Variants in KCTD8 observed in about 807,000 individuals in gnomAD.
KCTD8 encodes the protein BTB/POZ domain-containing protein KCTD8.
Under a neutral mutation model 31.5 loss-of-function variants are expected in KCTD8, and 27 were observed. The ratio of observed to expected loss-of-function variants is 0.86; its 90% CI spans 0.63 to 1.18. The LOEUF is 1.18. KCTD8 is among the 50% of genes most tolerant of loss of function. The pLI, the probability that KCTD8 is intolerant of heterozygous loss-of-function variation, is 0.00. For synonymous variants in KCTD8, 290 were observed against 280.0 expected (o/e 1.04, Z -0.36); for missense variants, 658 against 647.7 (o/e 1.02, Z -0.17).
intron 1 of KCTD8, among the ~76,000 whole-genome samples, chr4:44,338,576 G>A (rs1245225311): frequency 6.6e-6 from 1 of 152,138 alleles, no homozygotes; most frequent in African/African-American, 2.4e-5. Flanking sequence ...ATGCTCTCAG[G>A]ATATTAAAAC....
chr4:44,353,081 T>C (rs1719255123), intron 1 of KCTD8, among the ~76,000 whole-genome samples: 1 of 152,086 alleles, frequency 6.6e-6, no homozygotes, highest in South Asian at 2.1e-4. Context: ...ATACAGAATG[T>C]TTCCAAAATT....
chr4:44,342,100 G>T (rs566075930), intron 1 of KCTD8, among the ~76,000 whole-genome samples: 1 of 152,260 alleles, frequency 6.6e-6, no homozygotes, highest in East Asian at 1.9e-4. Context: ...GGCTGGGCGT[G>T]TTGGCTCATG....
chr4:44,335,335 T>C (rs899659302), intron 1 of KCTD8, among the ~76,000 whole-genome samples: 17 of 152,118 alleles, frequency 1.1e-4, no homozygotes, highest in Non-Finnish European at 1.9e-4. Context: ...ATTTATTTCA[T>C]CTACCAATTT....
intron 1 of KCTD8, among the ~76,000 whole-genome samples, chr4:44,267,294 A>G (rs1716409939): frequency 6.6e-6 from 1 of 152,210 alleles, no homozygotes; most frequent in South Asian, 2.1e-4. Flanking sequence ...CTGAATGACT[A>G]CTGGGTACAT....
In KCTD8 at chr4:44,322,576, G is replaced by C. The variant is rs563712563; in HGVS notation, c.961+124987C>G. ...CTTCATTTTATGTTTTTCCTTTGCT[G>C]TGCATTTTAGCTTGATATAATACCA... On this transcript the variant is annotated intron_variant, in intron 1 of 1. Coordinates refer to ENST00000360029, the MANE Select transcript of KCTD8 (RefSeq NM_198353.3). Among the ~76,000 whole-genome samples the C allele has an allele frequency of 8.6e-5, 13 of 151,954 alleles. 1 individual carries two copies. Among genetic ancestry groups the C allele is most frequent in the African/African-American group, 2.4e-4 (10 of 41,366 alleles).
At chr4:44,356,891 A>G (rs1719356798) in intron 1 of KCTD8, among the ~76,000 whole-genome samples, 1 of 152,190 alleles carries the variant, frequency 6.6e-6, no homozygotes, top group Non-Finnish European at 1.5e-5. Flanking sequence ...GAGGATATTG[A>G]TGACCATCAT....
Position 44,448,646 on chromosome 4 carries a change from C to T in KCTD8, c.-123G>A. The T allele has an allele frequency of 3.7e-6, 4 of 1,083,686 alleles. No individual in the cohort carries two copies. The highest frequency in any genetic ancestry group is 4.7e-6 in the Non-Finnish European group (4 of 846,070). The allele number at this position is 1,083,686 out of a possible 1,614,324, so 67.1% of individuals were successfully genotyped here. ...CCTCGGACTGGGCGGCGCGTTCCTC[C>T]GACCGGGGCGGCCCCGCTCAGGGTT... On this transcript the variant is annotated 5_prime_UTR_variant, in exon 1 of 2. Coordinates refer to ENST00000360029, the MANE Select transcript of KCTD8 (RefSeq NM_198353.3). The surrounding 1 kb of genome is among the most constrained non-coding windows in gnomAD (Gnocchi z 4.1).
At chr4:44,385,370 T>C (rs1051055766) in intron 1 of KCTD8, among the ~76,000 whole-genome samples, 3 of 151,528 alleles carry the variant, frequency 2.0e-5, no homozygotes, top group Non-Finnish European at 4.4e-5. Context: ...ACGAAGGAAA[T>C]AGAATAGAAA....
chr4:44,423,715 C>T (rs1256902086), intron 1 of KCTD8, among the ~76,000 whole-genome samples: 5 of 151,954 alleles, frequency 3.3e-5, no homozygotes, highest in African/African-American at 1.2e-4. Flanking sequence ...AGGAAAAAAA[C>T]GAAAGCTTTT....
chr4:44,335,527 C>T (rs981931598), intron 1 of KCTD8, among the ~76,000 whole-genome samples: 1 of 151,970 alleles, frequency 6.6e-6, no homozygotes, highest in Non-Finnish European at 1.5e-5. Context: ...GAGCCCAGAA[C>T]AATTTTCACT....
intron 1 of KCTD8, among the ~76,000 whole-genome samples, chr4:44,309,866 G>T (rs549014890): frequency 6.6e-6 from 1 of 151,812 alleles, no homozygotes; most frequent in Admixed American, 6.6e-5. Context: ...TAGTATTTTC[G>T]AACTAAAATA....
intron 1 of KCTD8, among the ~76,000 whole-genome samples, chr4:44,292,851 T>C (rs73812001): frequency 0.029 from 4,482 of 152,202 alleles, 240 homozygotes; most frequent in African/African-American, 0.1. Flanking sequence ...CCAGTAATTA[T>C]GCCTAAAACT....
rs1001848808 is a variant in KCTD8 at position 44,448,779 on chromosome 4, C to T, written c.-256G>A. 3.9e-5 allele frequency: 14 copies of T among 357,260 alleles called. No homozygotes were observed. Among genetic ancestry groups the T allele is most frequent in the Non-Finnish European group, 7.0e-5 (14 of 200,878 alleles). The allele number at this position is 357,260 out of a possible 1,614,324, so 22.1% of individuals were successfully genotyped here. ...GCAATGGAGAGGCAAGAAGGAGCTG[C>T]TGCTCCTTTGGGGCGAGGGCGGGGA... On this transcript the variant is annotated 5_prime_UTR_variant, in exon 1 of 2. Coordinates refer to ENST00000360029, the MANE Select transcript of KCTD8 (RefSeq NM_198353.3). The surrounding 1 kb of genome is among the most constrained non-coding windows in gnomAD (Gnocchi z 4.1).
intron 1 of KCTD8, among the ~76,000 whole-genome samples, chr4:44,324,697 A>G (rs1718397148): frequency 6.6e-6 from 1 of 152,058 alleles, no homozygotes; most frequent in Admixed American, 6.6e-5. Flanking sequence ...TTAGGAATAA[A>G]GATTCTTCTG....
intron 1 of KCTD8, among the ~76,000 whole-genome samples, chr4:44,353,539 G>A (rs1026446783): frequency 6.6e-6 from 1 of 151,480 alleles, no homozygotes; most frequent in South Asian, 2.1e-4. Flanking sequence ...TTTCCCTATC[G>A]TGCTTCCAAA....
At position 44,447,573 on chromosome 4, in the gene KCTD8, G is replaced by A. The variant is rs1339225397; in HGVS notation, c.951C>T (p.Tyr317=). ...DDKIWSSYTE[Y]IFFRPPQKIV... ...GGGCTGCGAACTTACGGAAGAAAAT[G>A]TACTCGGTGTAGCTGCTCCAGATCT... Residue 317 remains tyrosine, a synonymous_variant, in exon 1 of 2, where the codon TAC becomes TAT. Coordinates refer to ENST00000360029, the MANE Select transcript of KCTD8 (RefSeq NM_198353.3). 2 of 1,568,132 alleles carry A rather than the reference G, an allele frequency of 1.3e-6. No homozygotes were observed. The highest frequency in any genetic ancestry group is 3.6e-5 in the Admixed American group (2 of 56,026).
chr4:44,323,964 A>G (rs1718374746), intron 1 of KCTD8, among the ~76,000 whole-genome samples: 1 of 151,714 alleles, frequency 6.6e-6, no homozygotes, highest in Non-Finnish European at 1.5e-5. Flanking sequence ...TAGTGGGTGC[A>G]GCGCACCAGC....
At chr4:44,315,207 G>A (rs1167694058) in intron 1 of KCTD8, among the ~76,000 whole-genome samples, 1 of 151,606 alleles carries the variant, frequency 6.6e-6, no homozygotes, top group East Asian at 1.9e-4. Flanking sequence ...TTTAAAGCTA[G>A]CACTTAATAT....
chr4:44,329,581 A>T (rs1718540552), intron 1 of KCTD8, among the ~76,000 whole-genome samples: 1 of 152,000 alleles, frequency 6.6e-6, no homozygotes, highest in Non-Finnish European at 1.5e-5. Flanking sequence ...TAACACATCC[A>T]TTATTCTCAC....
Sources: gnomAD v4.1 joint callset for allele counts (sites outside exome capture counted in the v4.1 genomes callset) on GRCh38, gnomAD v4.1.1 for gene constraint, Gnocchi (gnomAD v3.1) non-coding constraint, MANE v1.5 for transcripts, NCBI Gene and HGNC (gene_info 2026-07-23, HGNC 2026-07-21) for gene names.